IGSF23: variants seen among roughly 807,000 people sequenced by gnomAD.
IGSF23 encodes immunoglobulin superfamily member 23.
IGSF23 carries 14 observed loss-of-function variants against 17.8 expected under a neutral mutation model. The ratio of observed to expected loss-of-function variants is 0.79; its 90% CI spans 0.52 to 1.23. The LOEUF is 1.23. Among genes scored for constraint, IGSF23 ranks in the 50% most tolerant of loss-of-function variants. The pLI, the probability that IGSF23 is intolerant of heterozygous loss-of-function variation, is 0.00. For missense variants in IGSF23, 214 were observed against 241.7 expected, an observed-to-expected ratio of 0.89 and a Z score of 0.76; for synonymous variants, 85 against 92.5, an observed-to-expected ratio of 0.92 and a Z score of 0.46.
At chr19:44,614,178 T>C (rs117773917) in intron 1 of IGSF23, among the ~76,000 whole-genome samples, 1,994 of 152,068 alleles carry the variant, frequency 0.013, 20 homozygotes, top group South Asian at 0.025. Flanking sequence ...TGGCTTCTTT[T>C]AGGAAGAAGG....
intron 2 of IGSF23, among the ~76,000 whole-genome samples, chr19:44,624,431 T>C (rs376077041): frequency 2.6e-4 from 40 of 151,916 alleles, no homozygotes; most frequent in African/African-American, 9.4e-4. Flanking sequence ...ATTACAGGCA[T>C]GCACCACCAC....
intron 3 of IGSF23, among the ~76,000 whole-genome samples, chr19:44,631,906 C>T (rs1222661385): frequency 1.3e-5 from 2 of 152,218 alleles, no homozygotes; most frequent in African/African-American, 4.8e-5. Flanking sequence ...GCGTCATGGC[C>T]ATCATGAACA....
At position 44,635,400 on chromosome 19, in the gene IGSF23, G is replaced by A; in HGVS notation, c.546-1G>A. ...TGTCTCTCTCTCTCTCTCCACTGCA[G>A]GACTGACAGGCAGAGAATAGGAATA... On this transcript the variant is annotated splice_acceptor_variant, in intron 3 of 4. Transcript: ENST00000402988. LOFTEE classifies it high-confidence loss of function. 3 of 1,543,818 alleles carry A rather than the reference G, an allele frequency of 1.9e-6. No homozygotes were observed. Among genetic ancestry groups the A allele is most frequent in the Non-Finnish European group, 2.6e-6 (3 of 1,142,774 alleles).
chr19:44,622,843 A>T (rs1972550501), intron 1 of IGSF23, among the ~76,000 whole-genome samples: 1 of 151,978 alleles, frequency 6.6e-6, no homozygotes, highest in African/African-American at 2.4e-5. Context: ...TCTGCCTGGA[A>T]CATTTTTTTC....
intron 3 of IGSF23, among the ~76,000 whole-genome samples, chr19:44,633,134 T>G (rs1043163671): frequency 6.6e-6 from 1 of 152,230 alleles, no homozygotes; most frequent in East Asian, 1.9e-4. Flanking sequence ...AGTATGTAAA[T>G]GCAAACCGTT....
At chr19:44,615,823 GA>G in intron 1 of IGSF23, among the ~76,000 whole-genome samples, 1 of 129,120 alleles carries the variant, frequency 7.7e-6, no homozygotes, top group African/African-American at 2.9e-5. Context: ...AGGAAGGAAA[GA>G]AAAGGAGATT....
chr19:44,633,043 A>C (rs1209944935), intron 3 of IGSF23, among the ~76,000 whole-genome samples: 1 of 152,226 alleles, frequency 6.6e-6, no homozygotes. Context: ...CGTCTGGAAA[A>C]CTTTACCTTT....
At chr19:44,615,882 T>G (rs1192955672) in intron 1 of IGSF23, among the ~76,000 whole-genome samples, 1 of 120,178 alleles carries the variant, frequency 8.3e-6, no homozygotes, top group Non-Finnish European at 1.6e-5. Flanking sequence ...AAACACGGCA[T>G]GCTGTGTGTT....
chr19:44,631,014 G>T (rs544478078), intron 3 of IGSF23, among the ~76,000 whole-genome samples: 1 of 152,056 alleles, frequency 6.6e-6, no homozygotes, highest in Admixed American at 6.5e-5. Flanking sequence ...CAGCACTTTG[G>T]GAGGCTGAGG....
At chr19:44,630,464 AATCAAACCCTG>A (rs1474667948) in intron 3 of IGSF23, among the ~76,000 whole-genome samples, 1 of 152,238 alleles carries the variant, frequency 6.6e-6, no homozygotes, top group Non-Finnish European at 1.5e-5. Flanking sequence ...GCTGGCCCTG[AATCAAACCCTG>A]ATCTAAGTCT....
At chr19:44,627,969 G>A (rs950900448) in intron 3 of IGSF23, among the ~76,000 whole-genome samples, 1 of 149,930 alleles carries the variant, frequency 6.7e-6, no homozygotes, top group African/African-American at 2.5e-5. Flanking sequence ...TTTTGAGATG[G>A]AGTCTTGTTC....
chr19:44,635,526 C>A, intron 4 of IGSF23, 61 bp downstream of exon 4: 1 of 1,170,094 alleles, frequency 8.5e-7, no homozygotes, highest in Non-Finnish European at 1.2e-6. Flanking sequence ...AGTTCTTGGG[C>A]AGAGACTCCA....
intron 2 of IGSF23, among the ~76,000 whole-genome samples, chr19:44,626,943 A>T (rs1972662727): frequency 6.6e-6 from 1 of 150,484 alleles, no homozygotes; most frequent in South Asian, 2.1e-4. Flanking sequence ...AAAAGGAATT[A>T]TGCAAGCCAA....
intron 3 of IGSF23, among the ~76,000 whole-genome samples, chr19:44,629,555 C>A (rs774836353): frequency 9.2e-5 from 14 of 151,704 alleles, no homozygotes; most frequent in Non-Finnish European, 1.8e-4. Context: ...GAGCAAGACC[C>A]TATTTCTAAA....
intron 2 of IGSF23, among the ~76,000 whole-genome samples, chr19:44,626,380 A>G (rs892537559): frequency 2.0e-5 from 3 of 152,198 alleles, no homozygotes; most frequent in Admixed American, 6.5e-5. Flanking sequence ...TCAACTGCCC[A>G]GGAAATGTTT....
Position 44,634,693 on chromosome 19 carries a change from G to A in IGSF23, c.546-708G>A, listed in dbSNP as rs148749908. Reference sequence around the variant, plus strand: ...GGGGCCAGTTTATGGCCAGATTTTGGGGGGCATGTTCCCAACAGAATCTCT... The same window carrying A: ...GGGGCCAGTTTATGGCCAGATTTTGAGGGGCATGTTCCCAACAGAATCTCT... On this transcript the variant is annotated intron_variant, in intron 3 of 4. Coordinates refer to ENST00000402988, the MANE Select transcript of IGSF23 (RefSeq NM_001205280.2). Among the ~76,000 whole-genome samples, 90 of 152,164 alleles carry A rather than the reference G, an allele frequency of 5.9e-4. No homozygotes were observed. The East Asian group carries it at 0.016, about 26-fold the overall frequency.
intron 2 of IGSF23, among the ~76,000 whole-genome samples, chr19:44,626,791 A>T (rs1265788185): frequency 6.6e-6 from 1 of 152,050 alleles, no homozygotes; most frequent in Non-Finnish European, 1.5e-5. Flanking sequence ...GAATGGTGGC[A>T]TGTGCCTGTA....
At chr19:44,622,759 CCT>C (rs1401568133) in intron 1 of IGSF23, among the ~76,000 whole-genome samples, 3 of 152,066 alleles carry the variant, frequency 2.0e-5, no homozygotes, top group Non-Finnish European at 4.4e-5. Flanking sequence ...TTCTCCCAGC[CCT>C]CTCTCCCTTT....
intron 1 of IGSF23, chr19:44,614,064 C>T: frequency 8.0e-7 from 1 of 1,244,614 alleles, no homozygotes; most frequent in Non-Finnish European, 1.1e-6. Flanking sequence ...GTCCAAGTCA[C>T]CCCCACTCAG....
Sources: allele counts gnomAD v4.1 joint callset (sites outside exome capture counted in the v4.1 genomes callset), GRCh38; gene constraint gnomAD v4.1.1; transcripts MANE v1.5; gene names NCBI Gene and HGNC (gene_info 2026-07-23, HGNC 2026-07-21).